The following SH3D21 variants were observed in gnomAD, a reference collection of about 807,000 sequenced individuals.
The protein encoded by SH3D21 is SH3 domain-containing protein 21.
SH3D21 carries 83 observed loss-of-function variants against 82.1 expected under a neutral mutation model. The observed-to-expected ratio is 1.01, with a 90% CI of 0.85 to 1.21. SH3D21 has a LOEUF of 1.21. SH3D21 is among the 50% of genes most tolerant of loss of function. SH3D21 has a pLI of 0.00. For synonymous variants in SH3D21, 383 were observed against 387.8 expected (o/e 0.99, Z 0.15); for missense variants, 980 against 962.1 (o/e 1.02, Z -0.25).
chr1:36,318,014 A>C (rs1293093970), intron 10 of SH3D21, among the ~76,000 whole-genome samples: 7 of 152,230 alleles, frequency 4.6e-5, no homozygotes, highest in African/African-American at 7.2e-5. Flanking sequence ...GGTACAGCCA[A>C]ATCCCAGGTT....
At chr1:36,324,977 A>G (rs1433850339), downstream of SH3D21, 1 of 152,210 alleles carries the variant, frequency 6.6e-6, no homozygotes, top group Non-Finnish European at 1.5e-5. Flanking sequence ...CCAAAATTGC[A>G]TCTGTGCTGA....
intron 9 of SH3D21, 30 bp from the exon 10 acceptor site, chr1:36,309,518 A>T (rs1195502716): frequency 5.2e-6 from 8 of 1,551,036 alleles, no homozygotes; most frequent in Non-Finnish European, 7.0e-6. Flanking sequence ...TAGATTAAGG[A>T]TGCTCAACCT....
chr1:36,309,614 T>C (rs757356607), intron 10 of SH3D21, 24 bp downstream of exon 10: 41 of 1,551,224 alleles, frequency 2.6e-5, no homozygotes, highest in Non-Finnish European at 3.3e-5. Context: ...GAGCCTGGGA[T>C]TGGGGGGTGT....
rs1431052087 is a variant in SH3D21 at position 36,307,499 on chromosome 1, G to A, written c.346-18G>A. The A allele has an allele frequency of 6.4e-7, 1 of 1,551,210 alleles. No homozygotes were observed. The highest frequency in any genetic ancestry group is 8.7e-7 in the Non-Finnish European group (1 of 1,146,674). ...TTGGGGCAGAACCAGACGCCTCTGC[G>A]TCCTCCCCTCTCCCCAGATTGAGGA... On this transcript the variant is annotated intron_variant, in intron 4 of 15. Coordinates refer to ENST00000453908, the MANE Select transcript of SH3D21 (RefSeq NM_001162530.2). This position sits in a 1 kb window ranked among gnomAD's most constrained non-coding sequence, Gnocchi z 5.4.
At position 36,306,424 on chromosome 1, in the gene SH3D21, G is replaced by C. The variant is rs967436510; in HGVS notation, c.4G>C (p.Glu2Gln). 12 of 1,305,298 alleles carry C rather than the reference G, an allele frequency of 9.2e-6. No individual in the cohort carries two copies. The South Asian group carries it at 9.9e-5, about 11-fold the overall frequency. 80.9% of individuals were successfully genotyped at this position (1,305,298 alleles called of 1,614,324 possible). Residue 2 changes from glutamate (E) to glutamine (Q), a missense_variant and splice_region_variant, in exon 1 of 16, where the codon GAA becomes CAA. Physicochemically the swap from Glu to Gln is conservative, Grantham distance 29 (BLOSUM62 2). Coordinates refer to ENST00000453908, the MANE Select transcript of SH3D21 (RefSeq NM_001162530.2). The surrounding 1 kb of genome is among the most constrained non-coding windows in gnomAD (Gnocchi z 4.5). MEVLVLAGYRAQ... is the reference protein window; with the variant it reads MQVLVLAGYRAQ... ...TCTGGAGGGCGCCCCGGAAACCATG[G>C]GTAAGTGCGGAGGCTTTGAGGTGGC...
At position 36,320,067 on chromosome 1, in the gene SH3D21, T is replaced by G; in HGVS notation, c.1404T>G (p.Pro468=). 6.2e-7 allele frequency: 1 copy of G among 1,613,922 alleles called. No homozygotes were observed. The highest frequency in any genetic ancestry group is 8.5e-7 in the Non-Finnish European group (1 of 1,179,968). The change falls in exon 14 of 16, where the codon CCT becomes CCG. Residue 468 remains proline, a synonymous_variant. Coordinates refer to ENST00000453908, the MANE Select transcript of SH3D21 (RefSeq NM_001162530.2). Reference sequence around the variant, plus strand: ...AAGCCCCACCTATGGATAAAGTCCCTAATCCAAAGATGGCCCCTCTGGGGG... The same window carrying G: ...AAGCCCCACCTATGGATAAAGTCCCGAATCCAAAGATGGCCCCTCTGGGGG... ...ALEAPPMDKV[P]NPKMAPLGDE... is the part of the protein sequence containing the mutation.
At position 36,320,752 on chromosome 1, in the gene SH3D21, GTGGAGTCTCTAAGGAGGGCGC is replaced by G; in HGVS notation, c.2095_2115del (p.Ser699_Glu705del). The G allele has an allele frequency of 1.2e-6, 2 of 1,601,192 alleles. No homozygotes were observed. The highest frequency in any genetic ancestry group is 1.7e-6 in the Non-Finnish European group (2 of 1,173,632). On this transcript the variant is annotated inframe_deletion, in exon 14 of 16. Coordinates refer to ENST00000453908, the MANE Select transcript of SH3D21 (RefSeq NM_001162530.2). ...TGATGTAACGTCGCTGAGGGGCGAG[GTGGAGTCTCTAAGGAGGGCGC>G]TGGAGCTGATGGAGGTGCAGCTGGA...
At chr1:36,315,269 C>CT (rs1226339367) in intron 10 of SH3D21, among the ~76,000 whole-genome samples, 4 of 151,198 alleles carry the variant, frequency 2.6e-5, no homozygotes, top group Non-Finnish European at 5.9e-5. Context: ...GAGCGAGACT[C>CT]TGTCTCAAAA....
chr1:36,324,025 C>T (rs976790541), downstream of SH3D21: 1 of 152,334 alleles, frequency 6.6e-6, no homozygotes, highest in Admixed American at 6.5e-5. Flanking sequence ...ATCCTAAAGC[C>T]TGAGCTAGAA....
Position 36,307,043 on chromosome 1 carries a change from A to C in SH3D21, c.227-124A>C. On this transcript the variant is annotated intron_variant, in intron 3 of 15. Coordinates refer to ENST00000453908, the MANE Select transcript of SH3D21 (RefSeq NM_001162530.2). The surrounding 1 kb of genome is among the most constrained non-coding windows in gnomAD (Gnocchi z 5.4). Reference sequence around the variant, plus strand: ...CCCTGCGGTCTGTGATTGGTTCTCGAGTGCAATGCTCCGCCCTGGGGCGGG... The same window carrying C: ...CCCTGCGGTCTGTGATTGGTTCTCGCGTGCAATGCTCCGCCCTGGGGCGGG... 1 of 1,463,574 alleles carries C rather than the reference A, an allele frequency of 6.8e-7. No individual in the cohort carries two copies. The highest frequency in any genetic ancestry group is 1.4e-5 in the South Asian group (1 of 71,288). The allele number at this position is 1,463,574 out of a possible 1,614,324, so 90.7% of individuals were successfully genotyped here.
At position 36,320,382 on chromosome 1, in the gene SH3D21, G is replaced by C; in HGVS notation, c.1719G>C (p.Arg573Ser). The change falls in exon 14 of 16, where the codon AGG becomes AGC. Residue 573 changes from arginine to serine, a missense_variant. By Grantham distance (110) the Arg-to-Ser change is moderately radical (BLOSUM62 -1). Transcript: ENST00000453908. ...QAELKSGPAS[R>S]PALEKPHPHE... Reference sequence around the variant, plus strand: ...AGTTGAAGTCTGGGCCAGCATCCAGGCCTGCCCTTGAGAAGCCCCACCCCC... The same window carrying C: ...AGTTGAAGTCTGGGCCAGCATCCAGCCCTGCCCTTGAGAAGCCCCACCCCC... 10 of 1,613,512 alleles carry C rather than the reference G, an allele frequency of 6.2e-6. No individual in the cohort carries two copies. The highest frequency in any genetic ancestry group is 8.5e-6 in the Non-Finnish European group (10 of 1,179,974).
rs777406184 is a variant in SH3D21 at position 36,307,580 on chromosome 1, G to A, written c.409G>A (p.Val137Met). 17 of 1,551,506 alleles carry A rather than the reference G, an allele frequency of 1.1e-5. No homozygotes were observed. Among genetic ancestry groups the A allele is most frequent in the Non-Finnish European group, 1.4e-5 (16 of 1,146,974 alleles). The change falls in exon 5 of 16, where the codon GTG becomes ATG. Residue 137 changes from valine to methionine, a missense_variant. Physicochemically the swap from Val to Met is conservative, Grantham distance 21. Coordinates refer to ENST00000453908, the MANE Select transcript of SH3D21 (RefSeq NM_001162530.2). This position sits in a 1 kb window ranked among gnomAD's most constrained non-coding sequence, Gnocchi z 5.4. ...GQLGAFPSNF[V>M]ELLDSGPPSL... The stretch of plus-strand genomic sequence containing the variant: ...GCTGGGAGCCTTCCCATCCAACTTT[G>A]TGGAATTGCTGGACAGTGGGCCCCC...
intron 10 of SH3D21, among the ~76,000 whole-genome samples, chr1:36,310,328 C>A (rs1162201785): frequency 1.3e-5 from 2 of 152,096 alleles, no homozygotes; most frequent in African/African-American, 4.8e-5. Context: ...ATTTAACACC[C>A]ACGGGCCAGG....
rs985047107 is a variant in SH3D21, at chr1:36,307,025, G to A, written c.226+120G>A. The A allele has an allele frequency of 2.6e-5, 38 of 1,441,412 alleles. No individual in the cohort carries two copies. Among genetic ancestry groups the A allele is most frequent in the Non-Finnish European group, 3.4e-5 (37 of 1,093,628 alleles). The allele number at this position is 1,441,412 out of a possible 1,614,324, so 89.3% of individuals were successfully genotyped here. A position where few individuals can be genotyped will look rare whatever the true frequency, so the allele number is the denominator to read the frequency against. ...GGCGGGACCTCGGGGCCGCCCTGCG[G>A]TCTGTGATTGGTTCTCGAGTGCAAT... On this transcript the variant is annotated intron_variant, in intron 3 of 15. Coordinates refer to ENST00000453908, the MANE Select transcript of SH3D21 (RefSeq NM_001162530.2). This position sits in a 1 kb window ranked among gnomAD's most constrained non-coding sequence, Gnocchi z 5.4.
Position 36,307,566 on chromosome 1 carries a change from T to A in SH3D21, c.395T>A (p.Phe132Tyr), listed in dbSNP as rs1646154341. Reference protein sequence around the residue: ...LGKKNGQLGAFPSNFVELLDS... With the variant: ...LGKKNGQLGAYPSNFVELLDS... ...AAGAAGAACGGGCAGCTGGGAGCCT[T>A]CCCATCCAACTTTGTGGAATTGCTG... Residue 132 changes from phenylalanine to tyrosine, a missense_variant, in exon 5 of 16, where the codon TTC becomes TAC. Transcript: ENST00000453908. The surrounding 1 kb of genome is among the most constrained non-coding windows in gnomAD (Gnocchi z 5.4). 2 of 1,551,468 alleles carry A rather than the reference T, an allele frequency of 1.3e-6. No homozygotes were observed. The highest frequency in any genetic ancestry group is 1.4e-5 in the African/African-American group (1 of 72,986).
rs1201403589 is a variant in SH3D21, at chr1:36,306,576, C to A, written c.5-22C>A. 17 of 1,302,454 alleles carry A rather than the reference C, an allele frequency of 1.3e-5. No individual in the cohort carries two copies. The highest frequency in any genetic ancestry group is 1.7e-5 in the Non-Finnish European group (17 of 988,346). 80.7% of individuals were successfully genotyped at this position (1,302,454 alleles called of 1,614,324 possible). On this transcript the variant is annotated intron_variant, in intron 1 of 15. Coordinates refer to ENST00000453908, the MANE Select transcript of SH3D21 (RefSeq NM_001162530.2). This position sits in a 1 kb window ranked among gnomAD's most constrained non-coding sequence, Gnocchi z 4.5. ...GGCTGGGCCTTTCTGAGCCGCACGC[C>A]GGCCCCGTCTTCCGCCCGCAGAAGT...
chr1:36,318,506 C>A (rs1169065508), intron 10 of SH3D21, among the ~76,000 whole-genome samples: 1 of 152,144 alleles, frequency 6.6e-6, no homozygotes, highest in African/African-American at 2.4e-5. Context: ...CGCGATGGCT[C>A]ACACCTGTAA....
At position 36,321,134 on chromosome 1, in the gene SH3D21, G is replaced by A. The variant is rs1180139545; in HGVS notation, c.*7G>A. ...GCAGACGCAGACCTACTGAGGGTGGGCCTGGGAAGGGACCGCGGCCTGACC... is the reference window on the plus strand; with the variant it reads ...GCAGACGCAGACCTACTGAGGGTGGACCTGGGAAGGGACCGCGGCCTGACC... On this transcript the variant is annotated 3_prime_UTR_variant, in exon 16 of 16. Coordinates refer to ENST00000453908, the MANE Select transcript of SH3D21 (RefSeq NM_001162530.2). The surrounding 1 kb of genome is among the most constrained non-coding windows in gnomAD (Gnocchi z 6.1). 1.2e-6 allele frequency: 2 copies of A among 1,609,272 alleles called. No homozygotes were observed. The highest frequency in any genetic ancestry group is 3.4e-5 in the Admixed American group (2 of 59,584).
chr1:36,321,413 G>A, downstream of SH3D21: 1 of 1,297,672 alleles, frequency 7.7e-7, no homozygotes, highest in Non-Finnish European at 9.9e-7. This position sits in a 1 kb window ranked among gnomAD's most constrained non-coding sequence, Gnocchi z 6.1. Flanking sequence ...TGTCTCCTTC[G>A]GACTCCAGCC....
Sources: gnomAD v4.1 joint callset for allele counts (sites outside exome capture counted in the v4.1 genomes callset) on GRCh38, gnomAD v4.1.1 for gene constraint, Gnocchi (gnomAD v3.1) non-coding constraint, MANE v1.5 for transcripts, NCBI Gene and HGNC (gene_info 2026-07-23, HGNC 2026-07-21) for gene names.